The following NALF1 variants were observed in gnomAD, a reference collection of about 807,000 sequenced individuals.
NALF1 encodes the protein family with sequence similarity 155 member A.
A neutral mutation model predicts 48.4 loss-of-function variants in NALF1; 3 were observed. The observed-to-expected ratio is 0.06, with a 90% CI of 0.03 to 0.16. The LOEUF (loss-of-function observed/expected upper bound fraction) is 0.16, where lower values mean the gene tolerates loss of function less well. Among genes scored for constraint, NALF1 ranks in the 10% least tolerant of loss-of-function variants. NALF1 has a pLI of 1.00. For synonymous variants in NALF1, 262 were observed against 245.7 expected, an observed-to-expected ratio of 1.07 and a Z score of -0.62; for missense variants, 526 against 571.5, an observed-to-expected ratio of 0.92 and a Z score of 0.81.
intron 1 of NALF1, among the ~76,000 whole-genome samples, chr13:107,790,570 C>T (rs1878201299): frequency 6.6e-6 from 1 of 152,120 alleles, no homozygotes; most frequent in Non-Finnish European, 1.5e-5. Flanking sequence ...TGTCAGATCA[C>T]ATACACATAA....
intron 1 of NALF1, among the ~76,000 whole-genome samples, chr13:107,480,958 C>A (rs1379045933): frequency 6.6e-6 from 1 of 151,910 alleles, no homozygotes; most frequent in Non-Finnish European, 1.5e-5. Flanking sequence ...TAAAAATATT[C>A]CAAAGTAAAA....
At chr13:107,695,993 T>C (rs1245685122) in intron 1 of NALF1, among the ~76,000 whole-genome samples, 1 of 151,372 alleles carries the variant, frequency 6.6e-6, no homozygotes, top group Non-Finnish European at 1.5e-5. Flanking sequence ...GCCTCCTGGG[T>C]TCAAGCAATT....
chr13:107,642,188 T>C (rs1473343851), intron 1 of NALF1, among the ~76,000 whole-genome samples: 1 of 152,148 alleles, frequency 6.6e-6, no homozygotes, highest in Non-Finnish European at 1.5e-5. Flanking sequence ...CCAACAACTA[T>C]GAAAGGTAGG....
chr13:107,670,059 A>G (rs1684331462), intron 1 of NALF1, among the ~76,000 whole-genome samples: 1 of 152,108 alleles, frequency 6.6e-6, no homozygotes, highest in Non-Finnish European at 1.5e-5. Flanking sequence ...CTACTTCACC[A>G]TCTACTGTTG....
chr13:107,841,333 G>A (rs1484436302), intron 1 of NALF1, among the ~76,000 whole-genome samples: 1 of 152,084 alleles, frequency 6.6e-6, no homozygotes, highest in African/African-American at 2.4e-5. Flanking sequence ...CTCGCTATGT[G>A]TGCCTTCAAG....
At chr13:107,314,105 C>T (rs1882097967) in intron 1 of NALF1, among the ~76,000 whole-genome samples, 2 of 152,142 alleles carry the variant, frequency 1.3e-5, no homozygotes, top group African/African-American at 2.4e-5. Flanking sequence ...AAAGGTACAA[C>T]AGCAAGTCAC....
intron 1 of NALF1, among the ~76,000 whole-genome samples, chr13:107,370,885 C>A (rs1408393497): frequency 6.6e-6 from 1 of 152,034 alleles, no homozygotes; most frequent in Non-Finnish European, 1.5e-5. Flanking sequence ...GGGGGAAGCC[C>A]CTTATAAAAT....
chr13:107,827,306 G>A (rs1006106428), intron 1 of NALF1, among the ~76,000 whole-genome samples: 14 of 152,264 alleles, frequency 9.2e-5, no homozygotes, highest in African/African-American at 3.4e-4. Context: ...TTTACTTAGC[G>A]TGTTTCTTTT....
intron 1 of NALF1, among the ~76,000 whole-genome samples, chr13:107,832,881 C>T (rs564102209): frequency 1.3e-5 from 2 of 151,626 alleles, no homozygotes; most frequent in East Asian, 3.9e-4. Flanking sequence ...GCTGCATCTT[C>T]TTAAGAGCGC....
At chr13:107,606,770 G>C (rs1879084447) in intron 1 of NALF1, among the ~76,000 whole-genome samples, 1 of 152,126 alleles carries the variant, frequency 6.6e-6, no homozygotes, top group African/African-American at 2.4e-5. Context: ...GCTGAATAGT[G>C]AGTTGGTTGG....
chr13:107,405,004 C>T (rs1883875026), intron 1 of NALF1, among the ~76,000 whole-genome samples: 1 of 151,962 alleles, frequency 6.6e-6, no homozygotes, highest in Non-Finnish European at 1.5e-5. Flanking sequence ...TGGATATGGG[C>T]ATATTCTATG....
chr13:107,513,378 G>A (rs1257986471), intron 1 of NALF1, among the ~76,000 whole-genome samples: 1 of 152,120 alleles, frequency 6.6e-6, no homozygotes, highest in Non-Finnish European at 1.5e-5. Flanking sequence ...TTGTTCTTAT[G>A]CTACACATCC....
In NALF1 at chr13:107,170,339, G is replaced by A. The variant is rs936404000; in HGVS notation, c.*158C>T. On this transcript the variant is annotated 3_prime_UTR_variant, in exon 3 of 3. Coordinates refer to ENST00000375915, the MANE Select transcript of NALF1 (RefSeq NM_001080396.3). ...TTAGTCAATAAAAAGCTGTGGTTGT[G>A]TCCTTGTTTGGATTCAGGCCCATCT... 7 of 620,270 alleles carry A rather than the reference G, an allele frequency of 1.1e-5. No individual in the cohort carries two copies. In the East Asian group the frequency reaches 1.9e-4, roughly 17 times the overall value. 38.4% of individuals were successfully genotyped at this position (620,270 alleles called of 1,614,324 possible). A position where few individuals can be genotyped will look rare whatever the true frequency, so the allele number is the denominator to read the frequency against.
At chr13:107,308,437 C>T (rs562384187) in intron 1 of NALF1, among the ~76,000 whole-genome samples, 2 of 152,092 alleles carry the variant, frequency 1.3e-5, no homozygotes, top group Non-Finnish European at 2.9e-5. Flanking sequence ...CTCCTGACCT[C>T]GTGATCCGCC....
At chr13:107,469,912 T>A (rs1885072154) in intron 1 of NALF1, among the ~76,000 whole-genome samples, 1 of 151,510 alleles carries the variant, frequency 6.6e-6, no homozygotes, top group Non-Finnish European at 1.5e-5. Context: ...CCCGGCTAAT[T>A]TTTTGTATTT....
chr13:107,632,924 G>A (rs368182393), intron 1 of NALF1, among the ~76,000 whole-genome samples: 37 of 107,306 alleles, frequency 3.4e-4, no homozygotes, highest in African/African-American at 7.5e-4. Context: ...AAAAAAAAAA[G>A]GAATGGCAAG....
intron 1 of NALF1, chr13:107,466,642 T>A (rs1240614685): frequency 6.6e-6 from 1 of 152,228 alleles, no homozygotes; most frequent in Admixed American, 6.5e-5. Flanking sequence ...GGAAATCTTA[T>A]AAAATCTTCA....
intron 1 of NALF1, among the ~76,000 whole-genome samples, chr13:107,266,350 A>G (rs1040984475): frequency 1.3e-5 from 2 of 152,226 alleles, no homozygotes; most frequent in African/African-American, 4.8e-5. Context: ...ACAAAAGGAT[A>G]TAAGGTTGTT....
chr13:107,410,775 G>T (rs141094928), intron 1 of NALF1, among the ~76,000 whole-genome samples: 23 of 152,210 alleles, frequency 1.5e-4, no homozygotes, highest in Middle Eastern at 3.4e-3. Context: ...AACGTTGGGG[G>T]CCATAAAAGA....
Sources: gnomAD v4.1 joint callset for allele counts (sites outside exome capture counted in the v4.1 genomes callset) on GRCh38, gnomAD v4.1.1 for gene constraint, MANE v1.5 for transcripts, NCBI Gene and HGNC (gene_info 2026-07-23, HGNC 2026-07-21) for gene names.